The following RALGAPA1 variants were observed in gnomAD, a reference collection of about 807,000 sequenced individuals.
The protein encoded by RALGAPA1 is Ral GTPase activating protein catalytic subunit alpha 1.
Under a neutral mutation model 269.6 loss-of-function variants are expected in RALGAPA1, and 52 were observed. The ratio of observed to expected loss-of-function variants is 0.19; its 90% CI spans 0.15 to 0.24. The LOEUF (loss-of-function observed/expected upper bound fraction) is 0.24. Among genes scored for constraint, RALGAPA1 ranks in the 10% least tolerant of loss-of-function variants. The pLI is 1.00. For synonymous variants in RALGAPA1, 817 were observed against 1,008.3 expected, an observed-to-expected ratio of 0.81 and a Z score of 3.60; for missense variants, 1,917 against 3,013.9, an observed-to-expected ratio of 0.64 and a Z score of 8.52.
intron 16 of RALGAPA1, among the ~76,000 whole-genome samples, 170 bp from the exon 17 acceptor site, chr14:35,700,472 A>G (rs2140617772): frequency 6.6e-6 from 1 of 152,360 alleles, no homozygotes; most frequent in African/African-American, 2.4e-5. Flanking sequence ...GTAAGAAAAG[A>G]AATCAGAGAA....
intron 31 of RALGAPA1, among the ~76,000 whole-genome samples, chr14:35,646,236 G>A (rs147915612): frequency 2.8e-4 from 43 of 152,240 alleles, no homozygotes; most frequent in Middle Eastern, 3.4e-3. Flanking sequence ...GAAATTTAAG[G>A]AGTCAAATAT....
chr14:35,615,065 T>C (rs78117559), intron 35 of RALGAPA1, among the ~76,000 whole-genome samples: 93 of 152,280 alleles, frequency 6.1e-4, no homozygotes, highest in African/African-American at 2.2e-3. Context: ...ATGTTTTATA[T>C]TGTCATTAGA....
At chr14:35,801,062 T>TAA (rs34303502) in intron 1 of RALGAPA1, among the ~76,000 whole-genome samples, 1 of 114,206 alleles carries the variant, frequency 8.8e-6, no homozygotes, top group East Asian at 2.6e-4. Flanking sequence ...AGACATCAAT[T>TAA]AAAAAAAAAA....
intron 16 of RALGAPA1, among the ~76,000 whole-genome samples, chr14:35,720,057 T>C (rs1429721573): frequency 6.6e-6 from 1 of 152,212 alleles, no homozygotes; most frequent in Non-Finnish European, 1.5e-5. Context: ...CGGCCAACAA[T>C]TCTTAATACA....
At chr14:35,701,493 C>T (rs577198814) in intron 16 of RALGAPA1, among the ~76,000 whole-genome samples, 36 of 152,194 alleles carry the variant, frequency 2.4e-4, no homozygotes, top group African/African-American at 7.5e-4. Context: ...CCCGTGCTGC[C>T]GCCACTCAGA....
At chr14:35,665,164 AT>A (rs1196545668) in intron 26 of RALGAPA1, among the ~76,000 whole-genome samples, 1 of 152,234 alleles carries the variant, frequency 6.6e-6, no homozygotes, top group East Asian at 1.9e-4. Flanking sequence ...CCAAGGATGA[AT>A]AAAGAAGAAA....
chr14:35,616,621 TA>T (rs1381417888), intron 35 of RALGAPA1, among the ~76,000 whole-genome samples: 3 of 152,186 alleles, frequency 2.0e-5, no homozygotes, highest in Admixed American at 6.5e-5. Context: ...GGGGAAACTC[TA>T]CAGGGGGAAT....
intron 1 of RALGAPA1, among the ~76,000 whole-genome samples, chr14:35,799,102 T>C (rs763769554): frequency 6.6e-6 from 1 of 152,140 alleles, no homozygotes; most frequent in Admixed American, 6.5e-5. Flanking sequence ...ACTACTTGTT[T>C]AAACAAAATA....
At chr14:35,757,060 A>C (rs906799737) in intron 6 of RALGAPA1, 152 bp from the exon 7 acceptor site, 6 of 376,756 alleles carry the variant, frequency 1.6e-5, no homozygotes, top group Non-Finnish European at 2.2e-5. Context: ...TCTTAAGATC[A>C]TCCCTGATAG....
intron 37 of RALGAPA1, among the ~76,000 whole-genome samples, chr14:35,587,372 T>C (rs971383241): frequency 1.3e-5 from 2 of 152,216 alleles, no homozygotes; most frequent in African/African-American, 4.8e-5. Flanking sequence ...TTACTGGGTG[T>C]ATACCCAAAG....
At position 35,809,093 on chromosome 14, in the gene RALGAPA1, C is replaced by A; in HGVS notation, c.-258G>T. On this transcript the variant is annotated 5_prime_UTR_variant, in exon 1 of 42. Transcript: ENST00000680220. The stretch of plus-strand genomic sequence containing the variant: ...ATCCCTCTCCCGGCCCTGCACGGAG[C>A]GAGGCAGACCCGGGCTGGCCGCCTG... 2.3e-6 allele frequency: 1 copy of A among 429,052 alleles called. No homozygotes were observed. The highest frequency in any genetic ancestry group is 2.1e-5 in the African/African-American group (1 of 47,790). 26.6% of individuals were successfully genotyped at this position (429,052 alleles called of 1,614,324 possible).
chr14:35,751,722 A>T (rs1169551619), intron 8 of RALGAPA1, among the ~76,000 whole-genome samples: 1 of 151,776 alleles, frequency 6.6e-6, no homozygotes, highest in African/African-American at 2.4e-5. Context: ...TCAAGGCTGC[A>T]GTGAGCTATA....
At position 35,686,612 on chromosome 14, in the gene RALGAPA1, C is replaced by G. The variant is rs151076975; in HGVS notation, c.4007G>C (p.Gly1336Ala). 1.4e-4 allele frequency: 223 copies of G among 1,608,062 alleles called. 1 individual carries two copies. In the Middle Eastern group the frequency reaches 4.2e-3, roughly 30 times the overall value. Residue 1336 changes from glycine to alanine, a missense_variant, in exon 19 of 42, where the codon GGC becomes GCC. This residue lies in a region of RALGAPA1 where 615 missense variants were observed against 790.0 expected (regional missense o/e 0.78). Coordinates refer to ENST00000680220, the MANE Select transcript of RALGAPA1 (RefSeq NM_001346249.2). ...KLPPLNSDIGGSSANVPDLMD... is the reference protein window; with the variant it reads ...KLPPLNSDIGASSANVPDLMD... The stretch of plus-strand genomic sequence containing the variant: ...CAGATCAGGAACATTAGCACTGCTG[C>G]CGCCAATATCACTATTAAGAGGAGG...
In RALGAPA1 at chr14:35,783,301, AAAAGGAGGG is replaced by A. The variant is rs536685896; in HGVS notation, c.107-7565_107-7557del. Among the ~76,000 whole-genome samples the A allele has an allele frequency of 5.8e-4, 89 of 152,278 alleles. No individual in the cohort carries two copies. In the East Asian group the frequency reaches 0.016, roughly 27 times the overall value. On this transcript the variant is annotated intron_variant, in intron 1 of 41. Transcript: ENST00000680220. ...AAGGGTACCAAACAACTCAAGGAGG[AAAAGGAGGG>A]AAAAAAAAAGTATTTTTAACAAATG... is the stretch of plus-strand genomic sequence containing the variant.
intron 27 of RALGAPA1, among the ~76,000 whole-genome samples, chr14:35,661,699 A>G (rs1189050640): frequency 1.3e-5 from 2 of 152,206 alleles, no homozygotes; most frequent in East Asian, 1.9e-4. Context: ...TCCTTAAGTC[A>G]TATACAATGT....
At chr14:35,769,065 T>TATATATAC (rs1237249622) in intron 4 of RALGAPA1, among the ~76,000 whole-genome samples, 2 of 77,790 alleles carry the variant, frequency 2.6e-5, no homozygotes, top group African/African-American at 9.2e-5. Flanking sequence ...TATATATATA[T>TATATATAC]ACACACACAT....
intron 1 of RALGAPA1, among the ~76,000 whole-genome samples, chr14:35,793,313 C>T (rs1357219204): frequency 6.6e-6 from 1 of 151,452 alleles, no homozygotes; most frequent in Non-Finnish European, 1.5e-5. Context: ...TCTCGGCTCA[C>T]GACAACCTCC....
chr14:35,688,629 T>C lies in RALGAPA1; in HGVS notation c.3782A>G (p.Glu1261Gly). ...SRSTLRSSSH[E>G]AGLQQGSLGG... ...CAGGGAGCCCTGCTGTAGTCCTGCC[T>C]CATGACTTGATGACCTAAGAGTACT... The change falls in exon 18 of 42, where the codon GAG (glutamate) becomes GGG (glycine). Residue 1261 changes from glutamate to glycine, a missense_variant. Transcript: ENST00000680220. 1.3e-6 allele frequency: 2 copies of C among 1,533,994 alleles called. No individual in the cohort carries two copies. The highest frequency in any genetic ancestry group is 1.7e-6 in the Non-Finnish European group (2 of 1,146,334).
Position 35,587,908 on chromosome 14 carries a change from C to A in RALGAPA1, c.7209+7726G>T, listed in dbSNP as rs1349945775. Reference sequence around the variant, plus strand: ...AATAAAACTCAATCATTTAACAACCCTTTTATTTTATTTTTTTGAGACAGA... The same window carrying A: ...AATAAAACTCAATCATTTAACAACCATTTTATTTTATTTTTTTGAGACAGA... On this transcript the variant is annotated intron_variant, in intron 37 of 41. Transcript: ENST00000680220. 2.0e-5 allele frequency among the ~76,000 whole-genome samples: 3 copies of A among 152,086 alleles called. No homozygotes were observed. The East Asian group carries it at 5.8e-4, about 29-fold the overall frequency.
Sources: allele counts gnomAD v4.1 joint callset (sites outside exome capture counted in the v4.1 genomes callset), GRCh38; gene constraint gnomAD v4.1.1; regional missense constraint gnomAD v4.1.1; transcripts MANE v1.5; gene names NCBI Gene and HGNC (gene_info 2026-07-23, HGNC 2026-07-21).